Variants in ANK2 observed in about 807,000 individuals in gnomAD.
ANK2 encodes ankyrin 2, also known as ankyrin-2.
In ANK2, 83 loss-of-function variants were observed where a neutral mutation model predicts 360.5. That is an observed-to-expected ratio of 0.23 (90% CI 0.19 to 0.28). The LOEUF (loss-of-function observed/expected upper bound fraction) is 0.28. ANK2 is among the 10% of genes least tolerant of loss of function. The pLI is 1.00. For synonymous variants in ANK2, 1,740 were observed against 1,759.5 expected (o/e 0.99, Z 0.28); for missense variants, 4,201 against 4,795.7 (o/e 0.88, Z 3.66).
chr4:113,175,243 A>G (rs973954219), intron 2 of ANK2, among the ~76,000 whole-genome samples: 2 of 152,214 alleles, frequency 1.3e-5, no homozygotes, highest in African/African-American at 4.8e-5. Flanking sequence ...AAGGAGGTAA[A>G]TGTCACTACT....
the ANK2 span, among the ~76,000 whole-genome samples, chr4:112,796,843 A>T: frequency 2.0e-5 from 3 of 152,176 alleles, no homozygotes; most frequent in African/African-American, 7.2e-5. Context: ...TGATCAACAT[A>T]CCATTTTTGA....
At chr4:113,190,899 C>T (rs1281590723) in intron 2 of ANK2, among the ~76,000 whole-genome samples, 8 of 152,106 alleles carry the variant, frequency 5.3e-5, no homozygotes, top group African/African-American at 1.7e-4. Flanking sequence ...ATAAGTAGTT[C>T]AGATAATTTT....
chr4:113,277,066 G>C (rs2060497525), intron 15 of ANK2, among the ~76,000 whole-genome samples: 1 of 152,174 alleles, frequency 6.6e-6, no homozygotes, highest in Non-Finnish European at 1.5e-5. Context: ...GCTAATTACA[G>C]AGTAAGGCCA....
chr4:113,193,782 G>A (rs1488227278), intron 2 of ANK2, among the ~76,000 whole-genome samples: 8 of 152,084 alleles, frequency 5.3e-5, no homozygotes, highest in African/African-American at 1.9e-4. Flanking sequence ...CTTTGGATGT[G>A]CCCATTTTCT....
At chr4:113,196,538 T>A in intron 3 of ANK2, 72 bp downstream of exon 3, 4 of 1,348,456 alleles carry the variant, frequency 3.0e-6, no homozygotes, top group East Asian at 2.5e-5. Context: ...TCATTTTTAT[T>A]TATTTTTTAG....
chr4:112,726,760 A>C, the ANK2 span, among the ~76,000 whole-genome samples: 1 of 149,788 alleles, frequency 6.7e-6, no homozygotes, highest in African/African-American at 2.5e-5. Context: ...CTGAGGCAGG[A>C]GAATGGCGTG....
At chr4:112,733,570 G>T in the ANK2 span, among the ~76,000 whole-genome samples, 1 of 152,128 alleles carries the variant, frequency 6.6e-6, no homozygotes, top group African/African-American at 2.4e-5. Flanking sequence ...TCAAGCTTCT[G>T]CAGAAACTGG....
chr4:113,172,060 T>C (rs533482319), intron 1 of ANK2, among the ~76,000 whole-genome samples: 19 of 152,328 alleles, frequency 1.2e-4, no homozygotes, highest in Admixed American at 5.2e-4. Context: ...AGACAGACAA[T>C]TGGCTTCTTA....
At chr4:112,769,598 TA>T in the ANK2 span, among the ~76,000 whole-genome samples, 1 of 152,228 alleles carries the variant, frequency 6.6e-6, no homozygotes, top group Non-Finnish European at 1.5e-5. Context: ...CCGAAGAATT[TA>T]ACCATCACTC....
intron 4 of ANK2, among the ~76,000 whole-genome samples, chr4:113,207,686 CAA>C (rs34818513): frequency 9.4e-4 from 96 of 101,612 alleles, no homozygotes; most frequent in East Asian, 7.8e-3. Context: ...GATCACAAAG[CAA>C]AAAAAAAAAA....
intron 26 of ANK2, among the ~76,000 whole-genome samples, chr4:113,323,000 G>A (rs984407836): frequency 2.0e-5 from 3 of 152,044 alleles, no homozygotes; most frequent in East Asian, 1.9e-4. Context: ...TTGGATTTCC[G>A]GTCCATTAAG....
the ANK2 span, among the ~76,000 whole-genome samples, chr4:112,719,642 G>A: frequency 6.6e-6 from 1 of 151,544 alleles, no homozygotes; most frequent in East Asian, 1.9e-4. Context: ...GCAGGAGAAT[G>A]GCGTGAACCC....
intron 2 of ANK2, among the ~76,000 whole-genome samples, chr4:113,187,234 T>C (rs2098548373): frequency 6.6e-6 from 1 of 152,214 alleles, no homozygotes; most frequent in Admixed American, 6.5e-5. Flanking sequence ...TGCAATGTGA[T>C]ATTTCCTTTG....
intron 2 of ANK2, among the ~76,000 whole-genome samples, chr4:112,994,668 C>A (rs779973200): frequency 2.0e-5 from 3 of 151,998 alleles, no homozygotes; most frequent in African/African-American, 4.8e-5. Flanking sequence ...GGGTGTATTG[C>A]GTGATGCTGA....
In ANK2 at chr4:113,373,124, T is replaced by G; in HGVS notation, c.11645T>G (p.Val3882Gly). The G allele has an allele frequency of 2.5e-6, 4 of 1,614,114 alleles. No homozygotes were observed. Among genetic ancestry groups the G allele is most frequent in the Non-Finnish European group, 3.4e-6 (4 of 1,179,990 alleles). The change falls in exon 44 of 46, where the codon GTC (valine) becomes GGC (glycine). Residue 3882 changes from valine (V) to glycine (G), a missense_variant. Transcript: ENST00000357077. ...DDMPEIPPET[V>G]TEEEYIDEHG... ...ATGCCTGAAATACCCCCAGAAACAG[T>G]CACAGAAGAAGAATACATTGATGAG...
chr4:113,293,397 C>T, intron 21 of ANK2, 43 bp from the exon 22 acceptor site: 1 of 1,557,658 alleles, frequency 6.4e-7, no homozygotes. Context: ...CATCGCAGTC[C>T]TCTCTCTTAT....
intron 1 of ANK2, among the ~76,000 whole-genome samples, chr4:113,111,065 C>T (rs959817382): frequency 6.6e-6 from 1 of 152,094 alleles, no homozygotes; most frequent in African/African-American, 2.4e-5. Flanking sequence ...ATCACATTTA[C>T]AGGCTTTTAA....
intron 4 of ANK2, among the ~76,000 whole-genome samples, chr4:113,229,134 A>G (rs917598039): frequency 6.6e-6 from 1 of 152,230 alleles, no homozygotes; most frequent in Non-Finnish European, 1.5e-5. Context: ...TGTATTACAT[A>G]CCTGTTGCTA....
chr4:113,162,909 A>T (rs992354908), intron 1 of ANK2, among the ~76,000 whole-genome samples: 1 of 152,176 alleles, frequency 6.6e-6, no homozygotes, highest in Non-Finnish European at 1.5e-5. Context: ...TTAAGGACAG[A>T]TTAAATTATT....
Sources: gnomAD v4.1 joint callset for allele counts (sites outside exome capture counted in the v4.1 genomes callset) on GRCh38, gnomAD v4.1.1 for gene constraint, MANE v1.5 for transcripts, NCBI Gene and HGNC (gene_info 2026-07-23, HGNC 2026-07-21) for gene names.